Variants in DYNC1I2 observed in about 807,000 individuals in gnomAD.
DYNC1I2 encodes the protein dynein cytoplasmic 1 intermediate chain 2.
In DYNC1I2, 53 loss-of-function variants were observed where a neutral mutation model predicts 88.6. That is an observed-to-expected ratio of 0.60 (90% CI 0.48 to 0.75). DYNC1I2 has a LOEUF of 0.75. Ranked by LOEUF, DYNC1I2 falls within the 30% of genes least tolerant of loss-of-function variation. The pLI is 0.00. For missense variants in DYNC1I2, 458 were observed against 766.6 expected, an observed-to-expected ratio of 0.60 and a Z score of 4.75; for synonymous variants, 198 against 254.6, an observed-to-expected ratio of 0.78 and a Z score of 2.12.
chr2:171,700,635 G>GT (rs573663487), intron 3 of DYNC1I2, among the ~76,000 whole-genome samples: 3 of 144,546 alleles, frequency 2.1e-5, no homozygotes, highest in African/African-American at 8.3e-5. Context: ...TTTGTTTTTT[G>GT]TTTTTTGTTT....
At chr2:171,694,859 G>A (rs946117299) in intron 3 of DYNC1I2, among the ~76,000 whole-genome samples, 2 of 152,020 alleles carry the variant, frequency 1.3e-5, no homozygotes, top group East Asian at 1.9e-4. Context: ...TGAGGGATCC[G>A]CCTCCATGAC....
chr2:171,695,324 C>T (rs112152794), intron 3 of DYNC1I2, among the ~76,000 whole-genome samples: 2,474 of 152,246 alleles, frequency 0.016, 55 homozygotes, highest in African/African-American at 0.052. Flanking sequence ...TGGTCTCGAA[C>T]TCCTGACCTC....
At chr2:171,734,362 C>T (rs770429227) in intron 15 of DYNC1I2, among the ~76,000 whole-genome samples, 5 of 152,172 alleles carry the variant, frequency 3.3e-5, no homozygotes, top group Non-Finnish European at 5.9e-5. Context: ...TGGTACTACA[C>T]AGCTAGTTGA....
intron 6 of DYNC1I2, 84 bp downstream of exon 6, chr2:171,712,910 T>G: frequency 8.3e-7 from 1 of 1,207,466 alleles, no homozygotes; most frequent in Non-Finnish European, 1.2e-6. Context: ...TTGCTTAAGT[T>G]TATAATATTG....
In DYNC1I2 at chr2:171,725,583, TTTG is replaced by T. The variant is rs746859038; in HGVS notation, c.512-32_512-30del. The T allele has an allele frequency of 7.7e-6, 10 of 1,293,384 alleles. No homozygotes were observed. The African/African-American group carries it at 1.2e-4, about 16-fold the overall frequency. The allele number at this position is 1,293,384 out of a possible 1,614,324, so 80.1% of individuals were successfully genotyped here. A position where few individuals can be genotyped will look rare whatever the true frequency, so the allele number is the denominator to read the frequency against. On this transcript the variant is annotated intron_variant, in intron 7 of 17. Coordinates refer to ENST00000397119, the MANE Select transcript of DYNC1I2 (RefSeq NM_001378.3). ...ATAATTTATTATATCATTCTGTTTTTTTGTTTTTTTGTTTGTTTTTTTTTTTTT... is the reference window on the plus strand; with the variant it reads ...ATAATTTATTATATCATTCTGTTTTTTTTTTTTGTTTGTTTTTTTTTTTTT...
intron 12 of DYNC1I2, 91 bp from the exon 13 acceptor site, chr2:171,728,214 C>T (rs1688373616): frequency 3.9e-6 from 3 of 777,898 alleles, no homozygotes; most frequent in Non-Finnish European, 5.8e-6. Flanking sequence ...TTATGAGACT[C>T]GATAATAAAC....
chr2:171,717,579 T>C (rs1297035678), intron 7 of DYNC1I2, among the ~76,000 whole-genome samples: 1 of 152,202 alleles, frequency 6.6e-6, no homozygotes. Flanking sequence ...AGCAACTTTT[T>C]TTAAAAAGAA....
In DYNC1I2 at chr2:171,726,771, T is replaced by C. The variant is rs1383387053; in HGVS notation, c.871-20T>C. 1 of 1,610,344 alleles carries C rather than the reference T, an allele frequency of 6.2e-7. No individual in the cohort carries two copies. Among genetic ancestry groups the C allele is most frequent in the Non-Finnish European group, 8.5e-7 (1 of 1,178,442 alleles). ...CTTATTATGCATAGCATTTCTTTTC[T>C]TCTTGATTCTTCTGAGCAGTATCCG... On this transcript the variant is annotated intron_variant, in intron 10 of 17. Coordinates refer to ENST00000397119, the MANE Select transcript of DYNC1I2 (RefSeq NM_001378.3).
intron 3 of DYNC1I2, 100 bp downstream of exon 3, chr2:171,692,994 C>T: frequency 5.8e-6 from 5 of 856,540 alleles, no homozygotes; most frequent in Non-Finnish European, 9.5e-6. Context: ...ACATATTTTC[C>T]TTGTGTCTCT....
rs2105459007 is a variant in DYNC1I2, at chr2:171,692,807, G to A, written c.139G>A (p.Val47Met). The A allele has an allele frequency of 1.2e-6, 2 of 1,608,180 alleles. No homozygotes were observed. Among genetic ancestry groups the A allele is most frequent in the Non-Finnish European group, 1.7e-6 (2 of 1,177,404 alleles). ...TDQKKEAVAP[V>M]QEESDLEKKR... ...CCAGAAGAAGGAAGCTGTTGCTCCT[G>A]TGCAAGAAGAATCAGATCTTGAAAA... is the stretch of plus-strand genomic sequence containing the variant. The change falls in exon 3 of 18, where the codon GTG (valine) becomes ATG (methionine). Residue 47 changes from valine (V) to methionine (M), a missense_variant. Coordinates refer to ENST00000397119, the MANE Select transcript of DYNC1I2 (RefSeq NM_001378.3).
chr2:171,703,523 C>T (rs552872232), intron 3 of DYNC1I2, among the ~76,000 whole-genome samples: 5 of 152,178 alleles, frequency 3.3e-5, no homozygotes, highest in East Asian at 3.9e-4. Context: ...ACATCACACC[C>T]GAGCTAAAAT....
chr2:171,707,095 C>A, intron 4 of DYNC1I2, 192 bp from the exon 5 acceptor site: 2 of 749,446 alleles, frequency 2.7e-6, no homozygotes, highest in Non-Finnish European at 2.2e-6. Context: ...GAATCTTCAG[C>A]ATGCATTGTT....
intron 7 of DYNC1I2, among the ~76,000 whole-genome samples, chr2:171,718,437 CT>C (rs992678628): frequency 1.3e-4 from 20 of 148,888 alleles, no homozygotes; most frequent in African/African-American, 4.2e-4. Context: ...CTCCAAACTT[CT>C]TTTTTTTTTC....
intron 15 of DYNC1I2, among the ~76,000 whole-genome samples, chr2:171,743,228 TTAAGTG>T (rs1689566381): frequency 6.6e-6 from 1 of 152,120 alleles, no homozygotes; most frequent in Admixed American, 6.5e-5. Flanking sequence ...TTACTATGCA[TTAAGTG>T]GATGTGGATC....
At chr2:171,710,593 ATC>A (rs1322715395) in intron 5 of DYNC1I2, among the ~76,000 whole-genome samples, 1 of 152,216 alleles carries the variant, frequency 6.6e-6, no homozygotes, top group East Asian at 1.9e-4. Flanking sequence ...GTGAGAAATA[ATC>A]TCTCTCTAAC....
chr2:171,739,761 A>G (rs1021117784), intron 15 of DYNC1I2, among the ~76,000 whole-genome samples: 3 of 125,912 alleles, frequency 2.4e-5, no homozygotes, highest in African/African-American at 3.1e-5. Context: ...GCTGGAGTGC[A>G]GTGGCACGAT....
intron 5 of DYNC1I2, among the ~76,000 whole-genome samples, chr2:171,707,825 A>T (rs1686798596): frequency 6.6e-6 from 1 of 152,186 alleles, no homozygotes; most frequent in Non-Finnish European, 1.5e-5. Context: ...TCTGCTAATT[A>T]AGATAGAGAA....
At chr2:171,746,285 A>G (rs1689775043) in intron 17 of DYNC1I2, among the ~76,000 whole-genome samples, 1 of 152,164 alleles carries the variant, frequency 6.6e-6, no homozygotes, top group Admixed American at 6.5e-5. Context: ...TGTATTCATT[A>G]ATTTGGGCCA....
At chr2:171,704,451 T>G (rs1005962201) in intron 3 of DYNC1I2, among the ~76,000 whole-genome samples, 3 of 152,172 alleles carry the variant, frequency 2.0e-5, no homozygotes. Flanking sequence ...ATGTTTATAT[T>G]AATTCCTTTA....
Sources: allele counts gnomAD v4.1 joint callset (sites outside exome capture counted in the v4.1 genomes callset), GRCh38; gene constraint gnomAD v4.1.1; transcripts MANE v1.5; gene names NCBI Gene and HGNC (gene_info 2026-07-23, HGNC 2026-07-21).